The following ERC2 variants were observed in gnomAD, a reference collection of about 807,000 sequenced individuals.
ERC2 encodes ERC protein 2.
Under a neutral mutation model 114.8 loss-of-function variants are expected in ERC2, and 42 were observed. That is an observed-to-expected ratio of 0.37 (90% confidence interval 0.29 to 0.47). ERC2 has a LOEUF of 0.47. Ranked by LOEUF, ERC2 falls within the 20% of genes least tolerant of loss-of-function variation. The probability of loss-of-function intolerance (pLI) is 0.99; values close to 1 mark genes in which losing one functional copy is unlikely to be tolerated. For missense variants in ERC2, 939 were observed against 1,150.7 expected, an observed-to-expected ratio of 0.82 and a Z score of 2.66; for synonymous variants, 454 against 425.5, an observed-to-expected ratio of 1.07 and a Z score of -0.82.
chr3:56,362,772 C>T (rs147130167), intron 2 of ERC2, among the ~76,000 whole-genome samples: 1 of 152,332 alleles, frequency 6.6e-6, no homozygotes, highest in African/African-American at 2.4e-5. Flanking sequence ...AGATGCCATC[C>T]TCACACTGTG....
At chr3:55,535,903 G>C (rs1029538851) in intron 17 of ERC2, among the ~76,000 whole-genome samples, 2 of 152,092 alleles carry the variant, frequency 1.3e-5, no homozygotes, top group Non-Finnish European at 2.9e-5. Flanking sequence ...CTGAGACAGG[G>C]AGGGAGAATT....
chr3:56,204,047 G>T (rs151226675), intron 3 of ERC2, among the ~76,000 whole-genome samples: 1 of 152,098 alleles, frequency 6.6e-6, no homozygotes, highest in Admixed American at 6.6e-5. Flanking sequence ...AAAGTTAGCC[G>T]GGCGTGGTGG....
At chr3:55,942,417 T>C (rs896942494) in intron 13 of ERC2, among the ~76,000 whole-genome samples, 1 of 149,454 alleles carries the variant, frequency 6.7e-6, no homozygotes, top group East Asian at 2.0e-4. Context: ...GCCTCCCAAG[T>C]AGCTGGGACT....
At chr3:56,414,869 C>T (rs1446892547) in intron 2 of ERC2, among the ~76,000 whole-genome samples, 8 of 152,130 alleles carry the variant, frequency 5.3e-5, no homozygotes, top group African/African-American at 1.2e-4. Context: ...ACCAACATTT[C>T]GAATTTAAAA....
intron 3 of ERC2, among the ~76,000 whole-genome samples, chr3:56,190,584 T>G (rs1038713651): frequency 1.3e-5 from 2 of 152,050 alleles, no homozygotes; most frequent in Admixed American, 1.3e-4. Context: ...CATAGGTGCA[T>G]GCCATCATGC....
intron 2 of ERC2, among the ~76,000 whole-genome samples, chr3:56,419,041 G>A (rs1300770224): frequency 2.0e-5 from 3 of 152,262 alleles, no homozygotes; most frequent in African/African-American, 4.8e-5. Context: ...ATATATCACT[G>A]CTTCATTCCT....
Position 56,030,424 on chromosome 3 carries a change from C to G in ERC2, c.1642-11393G>C, listed in dbSNP as rs75202748. Among the ~76,000 whole-genome samples, 2,341 of 152,048 alleles carry G rather than the reference C, an allele frequency of 0.015. 221 individuals carry two copies. In the East Asian group the frequency reaches 0.25, roughly 16 times the overall value. The stretch of plus-strand genomic sequence containing the variant: ...TTGCTGATAGTGGTATGTTGAAGTC[C>G]CAAACTATAATTGTGAATTCGTTTA... On this transcript the variant is annotated intron_variant, in intron 7 of 17. Coordinates refer to ENST00000288221, the MANE Select transcript of ERC2 (RefSeq NM_015576.3).
chr3:55,625,374 G>GAAAAAAAAA (rs60450668), intron 17 of ERC2, among the ~76,000 whole-genome samples: 6 of 119,876 alleles, frequency 5.0e-5, no homozygotes, highest in Admixed American at 8.9e-5. Context: ...CTCAAAAAAA[G>GAAAAAAAAA]AAAAAAAAAA....
rs544604302 is a variant in ERC2 at position 55,795,313 on chromosome 3, C to T, written c.2565-60395G>A. 1.1e-4 allele frequency among the ~76,000 whole-genome samples: 16 copies of T among 152,232 alleles called. No individual in the cohort carries two copies. In the South Asian group the frequency reaches 3.3e-3, roughly 32 times the overall value. On this transcript the variant is annotated intron_variant, in intron 14 of 17. Transcript: ENST00000288221. ...TCAGTTGGAATTTAGGAAGTCATTT[C>T]TCTTTAATGGTTGCCAGACCTCCTG...
intron 14 of ERC2, among the ~76,000 whole-genome samples, chr3:55,833,234 A>G (rs1186884226): frequency 2.0e-5 from 3 of 150,706 alleles, no homozygotes; most frequent in East Asian, 3.9e-4. Flanking sequence ...GCAGACCAAC[A>G]TTCAGATTCA....
At chr3:56,235,239 T>C (rs1164748058) in intron 3 of ERC2, among the ~76,000 whole-genome samples, 1 of 152,260 alleles carries the variant, frequency 6.6e-6, no homozygotes, top group South Asian at 2.1e-4. Flanking sequence ...AGCTGAAAAC[T>C]GAGATGTAAC....
intron 14 of ERC2, among the ~76,000 whole-genome samples, chr3:55,815,172 G>T (rs372149413): frequency 6.6e-6 from 1 of 151,932 alleles, no homozygotes; most frequent in East Asian, 1.9e-4. Flanking sequence ...TTCAATTAGG[G>T]TTCAAATATA....
chr3:56,177,134 T>C (rs1482750003), intron 3 of ERC2, among the ~76,000 whole-genome samples: 1 of 152,244 alleles, frequency 6.6e-6, no homozygotes, highest in African/African-American at 2.4e-5. Context: ...CTATGAGCTT[T>C]CAGGCTTTAT....
chr3:55,601,875 G>C (rs368048013), intron 17 of ERC2, among the ~76,000 whole-genome samples: 1 of 152,128 alleles, frequency 6.6e-6, no homozygotes, highest in African/African-American at 2.4e-5. Context: ...AAAGTCCATC[G>C]GACAGGAACA....
At chr3:56,182,436 C>T (rs1334366643) in intron 3 of ERC2, among the ~76,000 whole-genome samples, 5 of 152,178 alleles carry the variant, frequency 3.3e-5, no homozygotes, top group Non-Finnish European at 7.4e-5. Flanking sequence ...ACAGTACTTT[C>T]GACCAAAAGG....
chr3:56,245,199 A>G (rs542536986), intron 3 of ERC2, among the ~76,000 whole-genome samples: 19 of 150,758 alleles, frequency 1.3e-4, no homozygotes, highest in Admixed American at 1.3e-3. Flanking sequence ...TATATTTAAT[A>G]TAATATAAAT....
At chr3:55,957,704 G>A (rs1431148193) in intron 12 of ERC2, among the ~76,000 whole-genome samples, 2 of 152,188 alleles carry the variant, frequency 1.3e-5, no homozygotes, top group Non-Finnish European at 2.9e-5. Flanking sequence ...ACTACGCACA[G>A]CCAGGTGTTC....
chr3:55,848,588 A>G (rs1366981609), intron 14 of ERC2, among the ~76,000 whole-genome samples: 1 of 151,572 alleles, frequency 6.6e-6, no homozygotes, highest in Non-Finnish European at 1.5e-5. Flanking sequence ...TCCATTCTCA[A>G]CTCCCAATAA....
rs1056577240 is a variant in ERC2 at position 56,427,163 on chromosome 3, G to GA, written c.657+7187dup. 5.0e-3 allele frequency among the ~76,000 whole-genome samples: 674 copies of GA among 135,350 alleles called. 3 individuals carry two copies. Among genetic ancestry groups the GA allele is most frequent in the South Asian group, 0.018 (76 of 4,220 alleles). 88.8% of individuals were successfully genotyped at this position (135,350 alleles called of 152,430 possible). On this transcript the variant is annotated intron_variant, in intron 2 of 17. Coordinates refer to ENST00000288221, the MANE Select transcript of ERC2 (RefSeq NM_015576.3). ...GGTCACACAGTGAGATCCTGTCTCAGAAAAAAAAAAAAAGAAAGTTTCACA... is the reference window on the plus strand; with the variant it reads ...GGTCACACAGTGAGATCCTGTCTCAGAAAAAAAAAAAAAAGAAAGTTTCACA...
Sources: allele counts gnomAD v4.1 joint callset (sites outside exome capture counted in the v4.1 genomes callset), GRCh38; gene constraint gnomAD v4.1.1; transcripts MANE v1.5; gene names NCBI Gene and HGNC (gene_info 2026-07-23, HGNC 2026-07-21).